Variants in GAS2 observed in about 807,000 individuals in gnomAD.
The protein encoded by GAS2 is growth arrest-specific protein 2.
In GAS2, 20 loss-of-function variants were observed where a neutral mutation model predicts 37.5. The ratio of observed to expected loss-of-function variants is 0.53; its 90% CI spans 0.37 to 0.77. GAS2 has a LOEUF of 0.77. GAS2 is among the 30% of genes least tolerant of loss of function. The pLI is 0.00. For synonymous variants in GAS2, 144 were observed against 132.2 expected, an observed-to-expected ratio of 1.09 and a Z score of -0.61; for missense variants, 336 against 373.4, an observed-to-expected ratio of 0.90 and a Z score of 0.82.
intron 3 of GAS2, among the ~76,000 whole-genome samples, chr11:22,709,723 G>A (rs938802192): frequency 3.3e-5 from 5 of 152,098 alleles, no homozygotes; most frequent in South Asian, 4.2e-4. Context: ...TATGTTTATC[G>A]TGGCACTATT....
At chr11:22,652,927 C>T (rs1050163800) in intron 1 of GAS2, among the ~76,000 whole-genome samples, 11 of 146,914 alleles carry the variant, frequency 7.5e-5, no homozygotes, top group East Asian at 5.9e-4. Flanking sequence ...GGTTCCTATT[C>T]GGCCATCTTG....
intron 2 of GAS2, among the ~76,000 whole-genome samples, chr11:22,678,735 C>A (rs1191326969): frequency 6.6e-6 from 1 of 151,660 alleles, no homozygotes; most frequent in Non-Finnish European, 1.5e-5. Flanking sequence ...AATATGGTTC[C>A]TTAAATAATA....
At chr11:22,721,466 G>T (rs1324695371) in intron 3 of GAS2, among the ~76,000 whole-genome samples, 1 of 151,992 alleles carries the variant, frequency 6.6e-6, no homozygotes, top group Non-Finnish European at 1.5e-5. Flanking sequence ...GTAACTACTG[G>T]ATTTGATGGG....
upstream of GAS2, among the ~76,000 whole-genome samples, chr11:22,666,054 G>A (rs1848979648): frequency 6.6e-6 from 1 of 152,234 alleles, no homozygotes; most frequent in Non-Finnish European, 1.5e-5. Flanking sequence ...GCGCATTAGA[G>A]GTGAATCAGA....
At chr11:22,656,061 G>A (rs907389388) in intron 1 of GAS2, among the ~76,000 whole-genome samples, 1 of 152,012 alleles carries the variant, frequency 6.6e-6, no homozygotes, top group African/African-American at 2.4e-5. Context: ...GTAAAACTGT[G>A]GACCAAATTT....
intron 1 of GAS2, chr11:22,668,091 C>T (rs1364488252): frequency 1.3e-5 from 2 of 152,348 alleles, no homozygotes; most frequent in Non-Finnish European, 2.9e-5. Flanking sequence ...TCCACTTTTC[C>T]TCCCCACGTA....
At chr11:22,765,752 C>T (rs58921203) in intron 7 of GAS2, among the ~76,000 whole-genome samples, 2 of 149,226 alleles carry the variant, frequency 1.3e-5, no homozygotes, top group Non-Finnish European at 3.0e-5. Flanking sequence ...GCACTCCAGC[C>T]TGGGTGATAG....
intron 1 of GAS2, among the ~76,000 whole-genome samples, chr11:22,651,634 C>T (rs1476899889): frequency 6.6e-6 from 1 of 152,120 alleles, no homozygotes; most frequent in Non-Finnish European, 1.5e-5. Flanking sequence ...ATTCTTTTTT[C>T]TCTAAACTTC....
At chr11:22,708,392 C>G (rs369812889) in intron 3 of GAS2, among the ~76,000 whole-genome samples, 1 of 152,120 alleles carries the variant, frequency 6.6e-6, no homozygotes, top group African/African-American at 2.4e-5. Flanking sequence ...AACAAACATG[C>G]ACTTAAATTT....
chr11:22,674,804 A>G (rs1304216258), intron 1 of GAS2, 46 bp from the exon 2 acceptor site: 2 of 1,418,054 alleles, frequency 1.4e-6, no homozygotes, highest in Non-Finnish European at 1.9e-6. Context: ...ACATTTTGTG[A>G]GAGAAGTCTG....
intron 3 of GAS2, among the ~76,000 whole-genome samples, chr11:22,718,337 A>G (rs774017987): frequency 1.3e-4 from 20 of 152,030 alleles, no homozygotes; most frequent in Non-Finnish European, 2.8e-4. Context: ...TCAGTCATAA[A>G]ATGGAATGAA....
chr11:22,716,596 C>T (rs985587196), intron 3 of GAS2, among the ~76,000 whole-genome samples: 22 of 149,844 alleles, frequency 1.5e-4, no homozygotes, highest in Admixed American at 6.0e-4. Context: ...GCCAAGCTCA[C>T]GCCACTGCAC....
intron 3 of GAS2, among the ~76,000 whole-genome samples, chr11:22,698,882 T>G (rs1850681183): frequency 6.6e-6 from 1 of 152,228 alleles, no homozygotes; most frequent in Non-Finnish European, 1.5e-5. Context: ...TTTTCTGTGC[T>G]TTGTGATGGT....
intron 1 of GAS2, among the ~76,000 whole-genome samples, chr11:22,632,712 C>T (rs1181955197): frequency 6.6e-6 from 1 of 151,918 alleles, no homozygotes; most frequent in African/African-American, 2.4e-5. Flanking sequence ...GGCCCTTTTA[C>T]ATAATCCCAT....
chr11:22,633,834 A>G (rs969209599), intron 1 of GAS2, among the ~76,000 whole-genome samples: 1 of 152,196 alleles, frequency 6.6e-6, no homozygotes, highest in Non-Finnish European at 1.5e-5. Context: ...GTGATGTTAC[A>G]TGTAGAAAAG....
chr11:22,809,754 A>G (rs542486782), intron 7 of GAS2, among the ~76,000 whole-genome samples: 1 of 151,234 alleles, frequency 6.6e-6, no homozygotes, highest in East Asian at 1.9e-4. Flanking sequence ...TCGGCCTCCC[A>G]AAGTGTTGAG....
chr11:22,748,086 T>A (rs1442021016), intron 5 of GAS2, among the ~76,000 whole-genome samples: 1 of 152,142 alleles, frequency 6.6e-6, no homozygotes, highest in Non-Finnish European at 1.5e-5. Flanking sequence ...CTTTGTATAT[T>A]TTTTAAAAAT....
intron 1 of GAS2, among the ~76,000 whole-genome samples, chr11:22,654,731 C>A (rs1848836590): frequency 6.6e-6 from 1 of 152,042 alleles, no homozygotes; most frequent in African/African-American, 2.4e-5. Flanking sequence ...TGCAAGAACT[C>A]ATAGGTCCAA....
chr11:22,713,224 A>G (rs1345792026), intron 3 of GAS2, among the ~76,000 whole-genome samples: 1 of 152,010 alleles, frequency 6.6e-6, no homozygotes, highest in Non-Finnish European at 1.5e-5. Flanking sequence ...TACACTGGAA[A>G]GTTTCAACAA....
Sources: gnomAD v4.1 joint callset for allele counts (sites outside exome capture counted in the v4.1 genomes callset) on GRCh38, gnomAD v4.1.1 for gene constraint, MANE v1.5 for transcripts, NCBI Gene and HGNC (gene_info 2026-07-23, HGNC 2026-07-21) for gene names.